Variants in CNBD1 observed in about 807,000 individuals in gnomAD.
CNBD1 encodes cyclic nucleotide binding domain containing 1.
Under a neutral mutation model 54.4 loss-of-function variants are expected in CNBD1, and 71 were observed. That is an observed-to-expected ratio of 1.30 (90% CI 1.08 to 1.59). The LOEUF is 1.59. Among genes scored for constraint, CNBD1 ranks in the 40% most tolerant of loss-of-function variants. The probability of loss-of-function intolerance (pLI) is 0.00; values close to 1 mark genes in which losing one functional copy is unlikely to be tolerated. For missense variants in CNBD1, 659 were observed against 518.0 expected, an observed-to-expected ratio of 1.27 and a Z score of -2.64; for synonymous variants, 182 against 170.7, an observed-to-expected ratio of 1.07 and a Z score of -0.51.
At chr8:86,971,916 A>G (rs1808228393) in intron 4 of CNBD1, among the ~76,000 whole-genome samples, 1 of 151,988 alleles carries the variant, frequency 6.6e-6, no homozygotes, top group Non-Finnish European at 1.5e-5. Context: ...TCTCACATAG[A>G]TATATTTTAT....
At chr8:87,007,466 A>C (rs1245536060) in intron 4 of CNBD1, among the ~76,000 whole-genome samples, 1 of 152,110 alleles carries the variant, frequency 6.6e-6, no homozygotes, top group Non-Finnish European at 1.5e-5. Context: ...GTATATTTTG[A>C]GCCCTCAGTG....
At chr8:86,868,900 T>G (rs1300079143) in intron 1 of CNBD1, among the ~76,000 whole-genome samples, 1 of 151,852 alleles carries the variant, frequency 6.6e-6, no homozygotes, top group Non-Finnish European at 1.5e-5. Context: ...TTTGTCTGGG[T>G]ACCAGCCACA....
chr8:87,137,401 A>G (rs1227722463), intron 4 of CNBD1, among the ~76,000 whole-genome samples: 3 of 151,058 alleles, frequency 2.0e-5, no homozygotes, highest in Non-Finnish European at 4.4e-5. Flanking sequence ...GATGGGTTTC[A>G]CTGTGTTAGC....
chr8:87,152,061 A>G (rs1186463513), intron 4 of CNBD1, among the ~76,000 whole-genome samples: 1 of 152,160 alleles, frequency 6.6e-6, no homozygotes, highest in African/African-American at 2.4e-5. Flanking sequence ...AAGACCTAGT[A>G]TGCACATTAA....
At chr8:87,175,743 G>T (rs1238410293) in intron 4 of CNBD1, among the ~76,000 whole-genome samples, 1 of 152,228 alleles carries the variant, frequency 6.6e-6, no homozygotes, top group Non-Finnish European at 1.5e-5. Context: ...GGGTGTCTCA[G>T]TTATTGCCTG....
chr8:87,276,347 A>T lies in CNBD1; in HGVS notation c.772-8331A>T, dbSNP rs1034747560. Among the ~76,000 whole-genome samples, 12 of 151,896 alleles carry T rather than the reference A, an allele frequency of 7.9e-5. No individual in the cohort carries two copies. The Middle Eastern group carries it at 0.014, about 173-fold the overall frequency. On this transcript the variant is annotated intron_variant, in intron 6 of 10. Coordinates refer to ENST00000518476, the MANE Select transcript of CNBD1 (RefSeq NM_173538.3). ...AAATGAGATTCAGGCTCTTGAGGAC[A>T]TTTTTTCCTATTACAAGCAATAATT...
At chr8:87,324,200 T>C (rs879281103) in intron 8 of CNBD1, among the ~76,000 whole-genome samples, 8,826 of 102,158 alleles carry the variant, frequency 0.086, 548 homozygotes, top group Middle Eastern at 0.22. Context: ...CTGGATTCGG[T>C]TTGCCAGTAT....
At chr8:87,077,127 T>G (rs898900142) in intron 4 of CNBD1, among the ~76,000 whole-genome samples, 3 of 152,196 alleles carry the variant, frequency 2.0e-5, no homozygotes, top group African/African-American at 4.8e-5. Context: ...AGGAAGGATA[T>G]TTTTGAGGCC....
chr8:87,424,233 G>C (rs1808002238), intron 2 of CNBD1, among the ~76,000 whole-genome samples: 1 of 151,904 alleles, frequency 6.6e-6, no homozygotes, highest in Non-Finnish European at 1.5e-5. Context: ...CCAGCTCCTG[G>C]ATTCATTAAT....
At chr8:87,228,438 T>G (rs989612085) in intron 5 of CNBD1, among the ~76,000 whole-genome samples, 4 of 148,846 alleles carry the variant, frequency 2.7e-5, no homozygotes, top group African/African-American at 1.0e-4. Flanking sequence ...GTCCTTTCTG[T>G]TTGTTAGTTT....
intron 8 of CNBD1, among the ~76,000 whole-genome samples, chr8:87,323,521 C>T: frequency 8.2e-6 from 1 of 121,378 alleles, no homozygotes; most frequent in South Asian, 2.4e-4. Flanking sequence ...CCTTCACATC[C>T]CTTGTAAGTT....
At chr8:87,294,993 G>T (rs981449190) in intron 8 of CNBD1, among the ~76,000 whole-genome samples, 1 of 151,328 alleles carries the variant, frequency 6.6e-6, no homozygotes, top group East Asian at 1.9e-4. Flanking sequence ...CAATTTATTT[G>T]CCATGAAGCT....
At chr8:87,372,058 G>C (rs942253834) in intron 10 of CNBD1, among the ~76,000 whole-genome samples, 1 of 152,004 alleles carries the variant, frequency 6.6e-6, no homozygotes, top group African/African-American at 2.4e-5. Context: ...GTCCCTGTTT[G>C]CAGACGACAT....
At chr8:87,088,129 A>G (rs1811138970) in intron 4 of CNBD1, among the ~76,000 whole-genome samples, 1 of 151,976 alleles carries the variant, frequency 6.6e-6, no homozygotes, top group African/African-American at 2.4e-5. Context: ...TATGAATGTA[A>G]CTTTAGATTA....
intron 6 of CNBD1, among the ~76,000 whole-genome samples, chr8:87,280,390 A>G (rs1170661802): frequency 6.6e-6 from 1 of 151,628 alleles, no homozygotes; most frequent in Non-Finnish European, 1.5e-5. Flanking sequence ...AGAAAAATAG[A>G]TGTACAAATA....
chr8:87,089,081 GAAAC>G (rs1402598728), intron 4 of CNBD1, among the ~76,000 whole-genome samples: 3 of 152,036 alleles, frequency 2.0e-5, no homozygotes, highest in Non-Finnish European at 4.4e-5. Flanking sequence ...ATAAAAAAGA[GAAAC>G]AAAAGATGTA....
chr8:86,919,634 T>C (rs1365702071), intron 3 of CNBD1, among the ~76,000 whole-genome samples: 6 of 152,176 alleles, frequency 3.9e-5, no homozygotes, highest in Non-Finnish European at 8.8e-5. Context: ...GTTTGTTGAT[T>C]AGGAACTCAA....
intron 4 of CNBD1, among the ~76,000 whole-genome samples, chr8:87,139,617 T>G (rs1812331683): frequency 6.6e-6 from 1 of 151,858 alleles, no homozygotes; most frequent in Admixed American, 6.6e-5. Flanking sequence ...GCAGGTGAGG[T>G]TTTTAGTTGA....
chr8:87,321,878 G>A (rs879845484), intron 8 of CNBD1, among the ~76,000 whole-genome samples: 14 of 146,286 alleles, frequency 9.6e-5, no homozygotes, highest in African/African-American at 3.6e-4. Context: ...ATGTATACAT[G>A]TGCCATGCTG....
Sources: allele counts gnomAD v4.1 joint callset (sites outside exome capture counted in the v4.1 genomes callset), GRCh38; gene constraint gnomAD v4.1.1; transcripts MANE v1.5; gene names NCBI Gene and HGNC (gene_info 2026-07-23, HGNC 2026-07-21).